The following UBXN7 variants were observed in gnomAD, a reference collection of about 807,000 sequenced individuals.
UBXN7 encodes UBX domain protein 7.
In UBXN7, 9 loss-of-function variants were observed where a neutral mutation model predicts 58.0. The ratio of observed to expected loss-of-function variants is 0.16; its 90% confidence interval spans 0.09 to 0.27. The LOEUF is 0.27. Among genes scored for constraint, UBXN7 ranks in the 10% least tolerant of loss-of-function variants. UBXN7 has a pLI of 1.00. For synonymous variants in UBXN7, 208 were observed against 205.0 expected (o/e 1.01, Z -0.12); for missense variants, 328 against 599.6 (o/e 0.55, Z 4.73).
intron 5 of UBXN7, among the ~76,000 whole-genome samples, chr3:196,372,534 G>T (rs1728874213): frequency 6.6e-6 from 1 of 151,808 alleles, no homozygotes. Context: ...TAGAGATGGG[G>T]TATCAACATG....
At position 196,393,488 on chromosome 3, in the gene UBXN7, T is replaced by G; in HGVS notation, c.355+66A>C. ...ACTTAAAAGTAATTGGGCCTAATAG[T>G]AATCATCTTTGTCTTTTTAATAGGA... On this transcript the variant is annotated intron_variant, in intron 4 of 10. Transcript: ENST00000296328. 9 of 1,476,546 alleles carry G rather than the reference T, an allele frequency of 6.1e-6. No homozygotes were observed. The South Asian group carries it at 1.1e-4, about 18-fold the overall frequency. The allele number at this position is 1,476,546 out of a possible 1,614,324, so 91.5% of individuals were successfully genotyped here.
chr3:196,404,069 A>C (rs2108853337), intron 2 of UBXN7, among the ~76,000 whole-genome samples: 1 of 151,204 alleles, frequency 6.6e-6, no homozygotes, highest in East Asian at 2.0e-4. Flanking sequence ...GCAACATAGT[A>C]AGACTCCATC....
At chr3:196,423,407 A>G in intron 1 of UBXN7, 2 of 267,582 alleles carry the variant, frequency 7.5e-6, no homozygotes, top group South Asian at 3.2e-5. Context: ...CCCTCTGTGG[A>G]GCTGGCCCCC....
intron 1 of UBXN7, among the ~76,000 whole-genome samples, chr3:196,414,997 T>C (rs1730437034): frequency 6.6e-6 from 1 of 152,182 alleles, no homozygotes; most frequent in African/African-American, 2.4e-5. Context: ...TGTAACTAAA[T>C]ACAAATTCTT....
Position 196,348,313 on chromosome 3 carries a change from G to A in UBXN7, c.*8372C>T, listed in dbSNP as rs1414254475. On this transcript the variant is annotated 3_prime_UTR_variant, in exon 11 of 11. Transcript: ENST00000296328. ...AAAGACTTCTTCCCACCACTGAGAA[G>A]AGCTGCAGAAATCAACGGTATCTCC... The A allele has an allele frequency of 6.6e-6, 1 of 152,044 alleles. No individual in the cohort carries two copies. Among genetic ancestry groups the A allele is most frequent in the African/African-American group, 2.4e-5 (1 of 41,374 alleles). The allele number at this position is 152,044 out of a possible 1,614,324, so 9.4% of individuals were successfully genotyped here.
chr3:196,401,274 AATATATATATAT>A (rs780788392), intron 3 of UBXN7, among the ~76,000 whole-genome samples: 4 of 36,878 alleles, frequency 1.1e-4, no homozygotes, highest in East Asian at 1.7e-3. Context: ...AAAAAAAAAA[AATATATATATAT>A]ATATATATAT....
At chr3:196,375,390 G>A (rs1444282939) in intron 5 of UBXN7, among the ~76,000 whole-genome samples, 1 of 152,070 alleles carries the variant, frequency 6.6e-6, no homozygotes, top group Non-Finnish European at 1.5e-5. Flanking sequence ...GCCAAGACAG[G>A]AGGATTGCTT....
intron 6 of UBXN7, 110 bp downstream of exon 6, chr3:196,371,786 T>C: frequency 2.1e-6 from 3 of 1,408,608 alleles, no homozygotes; most frequent in South Asian, 1.4e-5. Flanking sequence ...CCCAGCCGGC[T>C]TTACCTTTTT....
chr3:196,355,007 GTTCCTCAAAA>G lies in UBXN7; in HGVS notation c.*1668_*1677del, dbSNP rs1386494481. On this transcript the variant is annotated 3_prime_UTR_variant, in exon 11 of 11. Transcript: ENST00000296328. ...ATATAAAACTCATTCTTTAGGGAGA[GTTCCTCAAAA>G]TTCAACCATTAGAAACCATATCCTA... 6.6e-6 allele frequency: 1 copy of G among 152,078 alleles called. No individual in the cohort carries two copies. The highest frequency in any genetic ancestry group is 1.5e-5 in the Non-Finnish European group (1 of 68,012). The allele number at this position is 152,078 out of a possible 1,614,324, so 9.4% of individuals were successfully genotyped here. A position where few individuals can be genotyped will look rare whatever the true frequency, so the allele number is the denominator to read the frequency against.
chr3:196,362,897 G>GTTGTT (rs766609343), intron 8 of UBXN7, among the ~76,000 whole-genome samples: 10 of 151,760 alleles, frequency 6.6e-5, no homozygotes, highest in East Asian at 1.9e-4. Flanking sequence ...ACACGTTTTT[G>GTTGTT]TTGTTTTGTT....
rs1249653926 is a variant in UBXN7 at position 196,348,078 on chromosome 3, G to A, written c.*8607C>T. On this transcript the variant is annotated 3_prime_UTR_variant, in exon 11 of 11. Transcript: ENST00000296328. ...TTAGAGCAAGTGGAAGTTCCATTGA[G>A]TCTTAGCCAGTAGTTACAACTCTGC... 1.3e-5 allele frequency: 2 copies of A among 152,094 alleles called. No homozygotes were observed. Among genetic ancestry groups the A allele is most frequent in the African/African-American group, 4.8e-5 (2 of 41,408 alleles). The allele number at this position is 152,094 out of a possible 1,614,324, so 9.4% of individuals were successfully genotyped here. A position where few individuals can be genotyped will look rare whatever the true frequency, so the allele number is the denominator to read the frequency against.
intron 5 of UBXN7, among the ~76,000 whole-genome samples, chr3:196,390,260 A>G (rs1729536699): frequency 6.6e-6 from 1 of 151,920 alleles, no homozygotes; most frequent in Non-Finnish European, 1.5e-5. Flanking sequence ...GGGTCTCACT[A>G]TGTTGCCCAG....
chr3:196,369,539 AGTC>A, intron 6 of UBXN7, 28 bp from the exon 7 acceptor site: 1 of 1,553,428 alleles, frequency 6.4e-7, no homozygotes, highest in Non-Finnish European at 8.8e-7. Flanking sequence ...TAAAAAAAAA[AGTC>A]AGCCTCTAAG....
intron 3 of UBXN7, among the ~76,000 whole-genome samples, chr3:196,399,681 C>G (rs1729897651): frequency 6.6e-6 from 1 of 152,186 alleles, no homozygotes; most frequent in Admixed American, 6.5e-5. Flanking sequence ...TGCAAGTGAT[C>G]TGTTCAACTG....
At chr3:196,363,328 T>G (rs1728564024) in intron 8 of UBXN7, among the ~76,000 whole-genome samples, 1 of 151,978 alleles carries the variant, frequency 6.6e-6, no homozygotes, top group African/African-American at 2.4e-5. Flanking sequence ...GGTCTTGCAC[T>G]TCTGGATTCA....
chr3:196,399,401 G>A (rs1260455306), intron 3 of UBXN7, among the ~76,000 whole-genome samples: 1 of 151,974 alleles, frequency 6.6e-6, no homozygotes, highest in Admixed American at 6.6e-5. Flanking sequence ...GCCTCCCAAA[G>A]TGTTGAGATT....
At chr3:196,390,746 A>AG (rs1729557366) in intron 5 of UBXN7, among the ~76,000 whole-genome samples, 1 of 151,400 alleles carries the variant, frequency 6.6e-6, no homozygotes, top group African/African-American at 2.4e-5. Context: ...AAAAAAAAAA[A>AG]GACTCAACTG....
chr3:196,399,658 T>C (rs1729896751), intron 3 of UBXN7, among the ~76,000 whole-genome samples: 1 of 152,182 alleles, frequency 6.6e-6, no homozygotes, highest in African/African-American at 2.4e-5. Context: ...TGGGCTACTC[T>C]CCAACTCCTG....
chr3:196,414,463 T>A (rs1730421035), intron 1 of UBXN7, among the ~76,000 whole-genome samples: 1 of 152,176 alleles, frequency 6.6e-6, no homozygotes, highest in Admixed American at 6.6e-5. Flanking sequence ...TCAAGCTGCA[T>A]ACAAGATTTG....
Sources: allele counts gnomAD v4.1 joint callset (sites outside exome capture counted in the v4.1 genomes callset), GRCh38; gene constraint gnomAD v4.1.1; transcripts MANE v1.5; gene names NCBI Gene and HGNC (gene_info 2026-07-23, HGNC 2026-07-21).